The following DNAAF9 variants were observed in gnomAD, a reference collection of about 807,000 sequenced individuals.
DNAAF9 encodes dynein axonemal assembly factor 9.
A neutral mutation model predicts 167.0 loss-of-function variants in DNAAF9; 90 were observed. That is an observed-to-expected ratio of 0.54 (90% CI 0.45 to 0.64). The LOEUF is 0.64. Among genes scored for constraint, DNAAF9 ranks in the 30% least tolerant of loss-of-function variants. The pLI is 0.00. For missense variants in DNAAF9, 1,315 were observed against 1,442.2 expected, an observed-to-expected ratio of 0.91 and a Z score of 1.43; for synonymous variants, 491 against 508.8, an observed-to-expected ratio of 0.96 and a Z score of 0.47.
intron 25 of DNAAF9, among the ~76,000 whole-genome samples, chr20:3,293,197 G>A (rs946894302): frequency 6.9e-6 from 1 of 145,604 alleles, no homozygotes; most frequent in African/African-American, 2.5e-5. Context: ...GGATGCTGAG[G>A]CAGGAGAATC....
intron 26 of DNAAF9, among the ~76,000 whole-genome samples, chr20:3,288,672 A>C (rs938274133): frequency 3.9e-5 from 6 of 152,174 alleles, no homozygotes; most frequent in African/African-American, 1.4e-4. Flanking sequence ...GGCCTCCTGC[A>C]GGATGCCTTA....
At chr20:3,342,858 C>T (rs866000094) in intron 9 of DNAAF9, among the ~76,000 whole-genome samples, 3 of 152,270 alleles carry the variant, frequency 2.0e-5, no homozygotes, top group Middle Eastern at 3.4e-3. Flanking sequence ...AAAACACTTT[C>T]GAACCCTCAT....
At chr20:3,332,900 G>GTGT (rs1376871054) in intron 10 of DNAAF9, among the ~76,000 whole-genome samples, 2,026 of 146,920 alleles carry the variant, frequency 0.014, 38 homozygotes, top group African/African-American at 0.037. Context: ...GTGTGCGTGT[G>GTGT]GTGTGTGTGT....
At chr20:3,306,878 A>T (rs758153925) in intron 20 of DNAAF9, 151 of 983,716 alleles carry the variant, frequency 1.5e-4, no homozygotes, top group Non-Finnish European at 1.8e-4. Context: ...AGATGACTCT[A>T]CTTACTGTTT....
At chr20:3,336,413 A>AT (rs2069951395) in intron 10 of DNAAF9, among the ~76,000 whole-genome samples, 1 of 109,530 alleles carries the variant, frequency 9.1e-6, no homozygotes, top group Non-Finnish European at 2.0e-5. Flanking sequence ...GGTTTTGTTC[A>AT]GTTTTTTTTT....
chr20:3,376,273 C>T lies in DNAAF9; in HGVS notation c.313G>A (p.Val105Ile), dbSNP rs368687225. 93 of 1,611,114 alleles carry T rather than the reference C, an allele frequency of 5.8e-5. No homozygotes were observed. The East Asian group carries it at 9.1e-4, about 16-fold the overall frequency. Residue 105 changes from valine (V) to isoleucine (I), a missense_variant, in exon 4 of 37, where the codon GTC (valine) becomes ATC (isoleucine). Val to Ile is a conservative substitution (Grantham distance 29). Around this residue, in one of 2 missense-constraint regions of DNAAF9, gnomAD observed 981 missense variants for 1,012.5 expected, o/e 0.97. Coordinates refer to ENST00000252032, the MANE Select transcript of DNAAF9 (RefSeq NM_001009984.3). ...DVIILIKSDS[V>I]HLYCNPVNFR... ...TTTACAGGATTACAGTACAGATGGA[C>T]GCTATCCGATTTAATCAATATAATT...
chr20:3,364,056 C>G (rs985534654), intron 6 of DNAAF9, among the ~76,000 whole-genome samples: 4 of 152,192 alleles, frequency 2.6e-5, no homozygotes, highest in Non-Finnish European at 5.9e-5. Flanking sequence ...CCTGCCTCAG[C>G]CTCCTGAATA....
chr20:3,370,029 G>C (rs532271714), intron 6 of DNAAF9, among the ~76,000 whole-genome samples: 8 of 152,126 alleles, frequency 5.3e-5, no homozygotes, highest in African/African-American at 1.9e-4. Flanking sequence ...CAAATGTCTG[G>C]TGATCTTTGG....
At chr20:3,295,666 T>G in intron 23 of DNAAF9, 2 of 538,054 alleles carry the variant, frequency 3.7e-6, no homozygotes, top group East Asian at 4.9e-5. Context: ...TGTTTCACAT[T>G]AGAGACAAAC....
chr20:3,407,552 G>A lies in DNAAF9; in HGVS notation c.6C>T (p.Asp2=). Residue 2 remains aspartate, a synonymous_variant, in exon 1 of 37, where the codon GAC becomes GAT. Transcript: ENST00000252032. M[D]VYPPRRQGLP... ...GCCCCTGCCGGCGCGGGGGGTACAC[G>A]TCCATGGCGGCGGACGACTGGCGGC... The A allele has an allele frequency of 8.0e-7, 1 of 1,242,576 alleles. No individual in the cohort carries two copies. The highest frequency in any genetic ancestry group is 1.0e-6 in the Non-Finnish European group (1 of 994,946). 77.0% of individuals were successfully genotyped at this position (1,242,576 alleles called of 1,614,324 possible).
At position 3,290,837 on chromosome 20, in the gene DNAAF9, G is replaced by A. The variant is rs1300713559; in HGVS notation, c.2239-620C>T. Among the ~76,000 whole-genome samples, 5 of 148,146 alleles carry A rather than the reference G, an allele frequency of 3.4e-5. No individual in the cohort carries two copies. In the East Asian group the frequency reaches 1.0e-3, roughly 30 times the overall value. On this transcript the variant is annotated intron_variant, in intron 25 of 36. Coordinates refer to ENST00000252032, the MANE Select transcript of DNAAF9 (RefSeq NM_001009984.3). ...GGAGTCTCACTCTGTCGCCCAGGCTGAAGTGCTGTGGTGTGATCTCAGCTC... is the reference window on the plus strand; with the variant it reads ...GGAGTCTCACTCTGTCGCCCAGGCTAAAGTGCTGTGGTGTGATCTCAGCTC...
intron 10 of DNAAF9, 50 bp downstream of exon 10, chr20:3,340,454 C>CCCCCCCCCCT: frequency 1.9e-6 from 2 of 1,053,078 alleles, no homozygotes; most frequent in South Asian, 2.3e-5. Context: ...ACCCCACCCC[C>CCCCCCCCCCT]ACAACTTGAT....
chr20:3,315,207 A>G lies in DNAAF9; in HGVS notation c.1591-87T>C. On this transcript the variant is annotated intron_variant, in intron 19 of 36. Transcript: ENST00000252032. The surrounding 1 kb of genome is among the most constrained non-coding windows in gnomAD (Gnocchi z 4.1). ...TTCACAGAATCAAAAGTCCTGCCCA[A>G]TTATGTCCGTCTACAAAAGCTGAGT... 1.2e-6 allele frequency: 1 copy of G among 840,704 alleles called. No homozygotes were observed. The highest frequency in any genetic ancestry group is 2.5e-4 in the Middle Eastern group (1 of 3,924). The allele number at this position is 840,704 out of a possible 1,614,324, so 52.1% of individuals were successfully genotyped here. A position where few individuals can be genotyped will look rare whatever the true frequency, so the allele number is the denominator to read the frequency against.
chr20:3,269,071 T>C (rs1399588957), intron 30 of DNAAF9, among the ~76,000 whole-genome samples: 1 of 151,700 alleles, frequency 6.6e-6, no homozygotes, highest in Non-Finnish European at 1.5e-5. Context: ...ACCTGGCTAA[T>C]TTCTGTATTT....
At chr20:3,306,229 A>T (rs1255741314) in intron 20 of DNAAF9, among the ~76,000 whole-genome samples, 1 of 152,142 alleles carries the variant, frequency 6.6e-6, no homozygotes, top group Non-Finnish European at 1.5e-5. Context: ...CTCTGACTCC[A>T]GCACCCCATC....
chr20:3,271,348 A>G (rs2068588945), intron 29 of DNAAF9, among the ~76,000 whole-genome samples: 2 of 152,148 alleles, frequency 1.3e-5, no homozygotes, highest in Admixed American at 6.5e-5. Flanking sequence ...GATAAATGCT[A>G]ACAGATTTTA....
chr20:3,263,044 A>G (rs542523836), intron 31 of DNAAF9, among the ~76,000 whole-genome samples: 1 of 129,148 alleles, frequency 7.7e-6, no homozygotes, highest in Admixed American at 1.0e-4. Context: ...GCGTGATCTC[A>G]GCTCACTGCA....
chr20:3,382,669 G>A (rs1190183931), intron 1 of DNAAF9, among the ~76,000 whole-genome samples, 163 bp from the exon 2 acceptor site: 1 of 152,142 alleles, frequency 6.6e-6, no homozygotes, highest in Non-Finnish European at 1.5e-5. Context: ...AAATGGATTG[G>A]GAAGGTTCCT....
chr20:3,324,405 C>T (rs1021537551), intron 14 of DNAAF9, among the ~76,000 whole-genome samples: 2 of 152,126 alleles, frequency 1.3e-5, no homozygotes, highest in East Asian at 1.9e-4. Context: ...TAACAACCAC[C>T]GTGACATGCT....
Sources: gnomAD v4.1 joint callset for allele counts (sites outside exome capture counted in the v4.1 genomes callset) on GRCh38, gnomAD v4.1.1 for gene constraint, gnomAD v4.1.1 regional missense constraint, Gnocchi (gnomAD v3.1) non-coding constraint, MANE v1.5 for transcripts, NCBI Gene and HGNC (gene_info 2026-07-23, HGNC 2026-07-21) for gene names.